Variants in SLC16A14 observed in about 807,000 individuals in gnomAD.
SLC16A14 encodes monocarboxylate transporter 14.
In SLC16A14, 14 loss-of-function variants were observed where a neutral mutation model predicts 35.8. The observed-to-expected ratio is 0.39, with a 90% CI of 0.26 to 0.61. The LOEUF is 0.61. SLC16A14 is among the 20% of genes least tolerant of loss of function. The probability of loss-of-function intolerance (pLI) is 0.51; values close to 1 mark genes in which losing one functional copy is unlikely to be tolerated. For synonymous variants in SLC16A14, 248 were observed against 258.9 expected (o/e 0.96, Z 0.40); for missense variants, 533 against 655.0 (o/e 0.81, Z 2.03).
chr2:230,057,994 G>A (rs2077719445), intron 2 of SLC16A14, among the ~76,000 whole-genome samples: 2 of 151,232 alleles, frequency 1.3e-5, no homozygotes, highest in Admixed American at 1.3e-4. Context: ...GTGCCACTGT[G>A]CTCCAGCCTG....
intron 2 of SLC16A14, among the ~76,000 whole-genome samples, chr2:230,053,233 CA>C: frequency 6.6e-6 from 1 of 152,270 alleles, no homozygotes; most frequent in East Asian, 1.9e-4. Context: ...GCCACTGTGC[CA>C]GCTGAGTTTC....
chr2:230,056,252 GTTT>G lies in SLC16A14; in HGVS notation c.259+2839_259+2841del, dbSNP rs5839355. Among the ~76,000 whole-genome samples the G allele has an allele frequency of 1.7e-3, 191 of 110,010 alleles. 1 individual carries two copies. Among genetic ancestry groups the G allele is most frequent in the Non-Finnish European group, 1.9e-3 (105 of 54,228 alleles). The allele number at this position is 110,010 out of a possible 152,430, so 72.2% of individuals were successfully genotyped here. A position where few individuals can be genotyped will look rare whatever the true frequency, so the allele number is the denominator to read the frequency against. On this transcript the variant is annotated intron_variant, in intron 2 of 4. Transcript: ENST00000295190. ...GACTACCATTGTTACTAATATTGGT[GTTT>G]TTTTTTTTTTTTTTTTTGAGACGTA...
intron 3 of SLC16A14, among the ~76,000 whole-genome samples, chr2:230,049,459 C>A (rs1404459734): frequency 1.3e-5 from 2 of 152,140 alleles, no homozygotes; most frequent in East Asian, 3.9e-4. Context: ...AACGTTACTG[C>A]CTTCCTTTTC....
intron 4 of SLC16A14, among the ~76,000 whole-genome samples, chr2:230,044,751 T>A (rs979097195): frequency 6.3e-5 from 9 of 143,168 alleles, no homozygotes; most frequent in Non-Finnish European, 1.4e-4. Context: ...TGTGTGTGTG[T>A]GTGTGTGTGT....
intron 2 of SLC16A14, among the ~76,000 whole-genome samples, chr2:230,052,162 C>G (rs1371116425): frequency 6.6e-6 from 1 of 152,008 alleles, no homozygotes; most frequent in Non-Finnish European, 1.5e-5. Context: ...GTCTCGATCT[C>G]CTGACCTCGT....
At chr2:230,052,296 A>G (rs1227226738) in intron 2 of SLC16A14, among the ~76,000 whole-genome samples, 1 of 152,218 alleles carries the variant, frequency 6.6e-6, no homozygotes, top group Non-Finnish European at 1.5e-5. Context: ...AATAATATAT[A>G]AAATAAATGC....
At position 230,068,285 on chromosome 2, in the gene SLC16A14, C is replaced by T. The variant is rs559896953; in HGVS notation, c.-15+270G>A. The T allele has an allele frequency of 3.9e-5, 6 of 152,412 alleles. No individual in the cohort carries two copies. The highest frequency in any genetic ancestry group is 1.4e-4 in the African/African-American group (6 of 41,586). 9.4% of individuals were successfully genotyped at this position (152,412 alleles called of 1,614,324 possible). ...GCTTGAGCAGCAAGGCGCGCGTCCCCAAGCTCCGCCTGGCGGTCTGCCCTG... is the reference window on the plus strand; with the variant it reads ...GCTTGAGCAGCAAGGCGCGCGTCCCTAAGCTCCGCCTGGCGGTCTGCCCTG... On this transcript the variant is annotated intron_variant, in intron 1 of 4. Coordinates refer to ENST00000295190, the MANE Select transcript of SLC16A14 (RefSeq NM_152527.5). This position sits in a 1 kb window ranked among gnomAD's most constrained non-coding sequence, Gnocchi z 5.1.
In SLC16A14 at chr2:230,059,127, T is replaced by G; in HGVS notation, c.226A>C (p.Ser76Arg). 1 of 1,613,972 alleles carries G rather than the reference T, an allele frequency of 6.2e-7. No homozygotes were observed. The highest frequency in any genetic ancestry group is 8.5e-7 in the Non-Finnish European group (1 of 1,179,928). ...AAGGTGATGCCCATGCTGAGGGAGC[T>G]GACCCAGGCGGTCAGGCCGCGGCTC... The part of the protein sequence containing the change: ...HQSRGLTAWV[S>R]SLSMGITLIV... The change falls in exon 2 of 5, where the codon AGC (serine) becomes CGC (arginine). Residue 76 changes from serine (S) to arginine (R), a missense_variant. Transcript: ENST00000295190.
In SLC16A14 at chr2:230,064,965, G is replaced by A. The variant is rs370527257; in HGVS notation, c.-15+3590C>T. On this transcript the variant is annotated intron_variant, in intron 1 of 4. Transcript: ENST00000295190. ...GCAGAGGTTGCAGTGAGCCGAGATC[G>A]CACCATTGCACTCCAGCCTGGGCAA... Among the ~76,000 whole-genome samples the A allele has an allele frequency of 4.9e-3, 743 of 152,220 alleles. 4 individuals carry two copies. The highest frequency in any genetic ancestry group is 0.044 in the Middle Eastern group (13 of 294).
intron 1 of SLC16A14, among the ~76,000 whole-genome samples, chr2:230,059,733 G>A (rs1210096628): frequency 6.6e-6 from 1 of 152,222 alleles, no homozygotes; most frequent in Admixed American, 6.5e-5. Flanking sequence ...TATAGAGATG[G>A]ATACTGACAG....
chr2:230,060,949 G>A (rs905291532), intron 1 of SLC16A14, among the ~76,000 whole-genome samples: 2 of 152,168 alleles, frequency 1.3e-5, no homozygotes, highest in Non-Finnish European at 2.9e-5. Context: ...TATCGGCTGA[G>A]AATGAGGAGG....
At chr2:230,067,017 T>C (rs993203722) in intron 1 of SLC16A14, 4 of 178,514 alleles carry the variant, frequency 2.2e-5, no homozygotes, top group South Asian at 1.0e-4. Flanking sequence ...GAAGCTAAAA[T>C]TGAAATTACA....
chr2:230,058,194 T>C (rs868090789), intron 2 of SLC16A14: 3 of 143,932 alleles, frequency 2.1e-5, no homozygotes, highest in Non-Finnish European at 4.5e-5. Flanking sequence ...AGTTTGGGTC[T>C]AAATAAAGTT....
chr2:230,047,247 C>T (rs889356326), intron 3 of SLC16A14, among the ~76,000 whole-genome samples: 1 of 151,788 alleles, frequency 6.6e-6, no homozygotes, highest in African/African-American at 2.4e-5. Flanking sequence ...ACTGCTAGCC[C>T]TATTCACGGG....
chr2:230,048,037 T>C (rs1177356659), intron 3 of SLC16A14, among the ~76,000 whole-genome samples: 1 of 152,158 alleles, frequency 6.6e-6, no homozygotes, highest in East Asian at 1.9e-4. Flanking sequence ...GGACAGTAGG[T>C]TATTATGTTC....
chr2:230,060,872 A>G (rs1241100446), intron 1 of SLC16A14, among the ~76,000 whole-genome samples: 2 of 117,132 alleles, frequency 1.7e-5, no homozygotes, highest in Non-Finnish European at 3.8e-5. Flanking sequence ...GGATGAACCT[A>G]TGATGGTAGT....
At chr2:230,039,264 G>T (rs1297438796) in intron 4 of SLC16A14, among the ~76,000 whole-genome samples, 1 of 151,192 alleles carries the variant, frequency 6.6e-6, no homozygotes, top group Non-Finnish European at 1.5e-5. Flanking sequence ...ATGAATTCTG[G>T]ATCTACTTTA....
intron 1 of SLC16A14, among the ~76,000 whole-genome samples, chr2:230,060,552 G>A (rs1020551457): frequency 6.6e-6 from 1 of 152,016 alleles, no homozygotes; most frequent in Non-Finnish European, 1.5e-5. Context: ...TGGAGAGACA[G>A]GATCTCACTA....
chr2:230,054,523 G>A (rs2077689728), intron 2 of SLC16A14, among the ~76,000 whole-genome samples: 1 of 152,160 alleles, frequency 6.6e-6, no homozygotes, highest in Admixed American at 6.5e-5. Context: ...GTGGATGACT[G>A]TACCCTCCCT....
Sources: gnomAD v4.1 joint callset for allele counts (sites outside exome capture counted in the v4.1 genomes callset) on GRCh38, gnomAD v4.1.1 for gene constraint, Gnocchi (gnomAD v3.1) non-coding constraint, MANE v1.5 for transcripts, NCBI Gene and HGNC (gene_info 2026-07-23, HGNC 2026-07-21) for gene names.